The following CARS2 variants were observed in gnomAD, a reference collection of about 807,000 sequenced individuals.
CARS2 encodes probable cysteine--tRNA ligase, mitochondrial.
A neutral mutation model predicts 68.8 loss-of-function variants in CARS2; 52 were observed. The observed-to-expected ratio is 0.76, with a 90% CI of 0.61 to 0.95. CARS2 has a LOEUF of 0.95. Among genes scored for constraint, CARS2 ranks in the 40% least tolerant of loss-of-function variants. The pLI is 0.00. For synonymous variants in CARS2, 314 were observed against 303.6 expected (o/e 1.03, Z -0.36); for missense variants, 780 against 754.2 (o/e 1.03, Z -0.40).
Position 110,665,117 on chromosome 13 carries a change from T to A in CARS2, c.920-1599A>T. The A allele has an allele frequency of 1.0e-6, 1 of 985,392 alleles. No individual in the cohort carries two copies. Among genetic ancestry groups the A allele is most frequent in the South Asian group, 4.7e-5 (1 of 21,286 alleles). The allele number at this position is 985,392 out of a possible 1,614,324, so 61.0% of individuals were successfully genotyped here. Reference sequence around the variant, plus strand: ...ACTAGTATGAAAAAGATCGCTGGTATCTTAACAGGTAGTAAAAAATCACTG... The same window carrying A: ...ACTAGTATGAAAAAGATCGCTGGTAACTTAACAGGTAGTAAAAAATCACTG... On this transcript the variant is annotated intron_variant, in intron 8 of 14. Transcript: ENST00000257347. The surrounding 1 kb of genome is among the most constrained non-coding windows in gnomAD (Gnocchi z 4.3).
chr13:110,667,533 C>T, intron 7 of CARS2, 60 bp from the exon 8 acceptor site: 1 of 1,538,754 alleles, frequency 6.5e-7, no homozygotes, highest in Non-Finnish European at 8.9e-7. Context: ...TTTCTTCTAA[C>T]CTCGTCTATT....
intron 14 of CARS2, 137 bp downstream of exon 14, chr13:110,642,178 G>T: frequency 1.4e-6 from 1 of 704,142 alleles, no homozygotes. Flanking sequence ...TTGCACTCCA[G>T]CCTGGGTGAC....
intron 6 of CARS2, among the ~76,000 whole-genome samples, chr13:110,678,875 C>T (rs571563035): frequency 1.3e-5 from 2 of 152,244 alleles, no homozygotes; most frequent in East Asian, 3.9e-4. Context: ...GAAGGCAGCG[C>T]AGGCGGAGGC....
chr13:110,692,798 C>T (rs367589888), intron 3 of CARS2, among the ~76,000 whole-genome samples: 2 of 151,558 alleles, frequency 1.3e-5, no homozygotes, highest in South Asian at 2.1e-4. Context: ...TGGGCAACAG[C>T]GTGAAACTCT....
intron 13 of CARS2, chr13:110,642,794 T>C (rs1179295536): frequency 4.3e-6 from 3 of 696,876 alleles, no homozygotes; most frequent in Non-Finnish European, 7.9e-6. Context: ...GGGGGCTGCA[T>C]GCCGCCCCGC....
At chr13:110,661,039 C>T (rs184475671) in intron 9 of CARS2, among the ~76,000 whole-genome samples, 12 of 152,312 alleles carry the variant, frequency 7.9e-5, no homozygotes, top group African/African-American at 2.4e-4. Flanking sequence ...GGATTACAAA[C>T]GTGAGCCACT....
At chr13:110,704,439 G>A (rs2063880603) in intron 2 of CARS2, among the ~76,000 whole-genome samples, 1 of 152,244 alleles carries the variant, frequency 6.6e-6, no homozygotes. Context: ...AGTATACAGA[G>A]TATGCCGGGC....
At chr13:110,713,368 C>T (rs1427595894) in exon 1 of CARS2, 11 of 1,056,782 alleles carry the variant, frequency 1.0e-5, no homozygotes, top group Non-Finnish European at 1.3e-5. Flanking sequence ...CGAAGCAGGC[C>T]GCTCCCCTGC....
intron 9 of CARS2, among the ~76,000 whole-genome samples, chr13:110,654,297 G>A (rs1198867709): frequency 6.6e-6 from 1 of 152,214 alleles, no homozygotes; most frequent in Non-Finnish European, 1.5e-5. Flanking sequence ...CTGAGCTCCA[G>A]GGTTGAGCTC....
chr13:110,666,020 C>T (rs2062636692), intron 8 of CARS2: 1 of 985,342 alleles, frequency 1.0e-6, no homozygotes, highest in Non-Finnish European at 1.2e-6. Flanking sequence ...GCCTGAGACA[C>T]AGTGTCTCAG....
rs918199839 is a variant in CARS2 at position 110,668,700 on chromosome 13, G to A, written c.786-1227C>T. ...ATTTGGATGGGCAATTCTCCCTTCC[G>A]AAGATCTGAAGCCAACACAACGACG... On this transcript the variant is annotated intron_variant, in intron 7 of 14. Coordinates refer to ENST00000257347, the MANE Select transcript of CARS2 (RefSeq NM_024537.4). The surrounding 1 kb of genome is among the most constrained non-coding windows in gnomAD (Gnocchi z 4.1). Among the ~76,000 whole-genome samples, 2 of 152,132 alleles carry A rather than the reference G, an allele frequency of 1.3e-5. No individual in the cohort carries two copies. The highest frequency in any genetic ancestry group is 1.5e-5 in the Non-Finnish European group (1 of 68,030).
chr13:110,700,800 AAAGTC>A (rs2063762320), intron 3 of CARS2, among the ~76,000 whole-genome samples: 4 of 152,228 alleles, frequency 2.6e-5, no homozygotes, highest in African/African-American at 9.6e-5. Flanking sequence ...CAGTAAAGAG[AAAGTC>A]AAGTCATTTC....
At chr13:110,677,188 C>T in intron 6 of CARS2, 85 bp from the exon 7 acceptor site, 2 of 1,397,038 alleles carry the variant, frequency 1.4e-6, no homozygotes, top group Admixed American at 2.3e-5. Flanking sequence ...ACCACAGAAA[C>T]CCAGACAGTC....
At chr13:110,655,064 G>A (rs388532) in intron 9 of CARS2, among the ~76,000 whole-genome samples, 46,281 of 151,768 alleles carry the variant, frequency 0.3, 8,200 homozygotes, top group African/African-American at 0.47. Flanking sequence ...AATCACACTC[G>A]TTGATAAAGT....
intron 8 of CARS2, chr13:110,664,727 C>T: frequency 1.2e-6 from 1 of 819,752 alleles, no homozygotes; most frequent in Non-Finnish European, 1.5e-6. Flanking sequence ...ATCCTCAGCC[C>T]TCAGGTGACG....
intron 13 of CARS2, 110 bp downstream of exon 13, chr13:110,644,275 A>G (rs1887794081): frequency 7.4e-7 from 1 of 1,344,094 alleles, no homozygotes; most frequent in South Asian, 1.2e-5. Flanking sequence ...TAAACAGGTA[A>G]ATACATTAGT....
At chr13:110,678,539 A>G (rs9521895) in intron 6 of CARS2, among the ~76,000 whole-genome samples, 5,669 of 152,314 alleles carry the variant, frequency 0.037, 149 homozygotes, top group Non-Finnish European at 0.056. Flanking sequence ...TTTCATTACT[A>G]GTCACTTTAC....
intron 12 of CARS2, chr13:110,644,847 ACAT>A: frequency 4.4e-6 from 1 of 229,176 alleles, no homozygotes; most frequent in South Asian, 6.9e-5. Flanking sequence ...TACGTGGCTC[ACAT>A]CAGTTACCAA....
At chr13:110,701,895 A>G (rs2063797259) in intron 2 of CARS2, among the ~76,000 whole-genome samples, 1 of 152,258 alleles carries the variant, frequency 6.6e-6, no homozygotes, top group Admixed American at 6.5e-5. Context: ...TGTTTTCACC[A>G]TTCTTGTTCA....
Sources: allele counts gnomAD v4.1 joint callset (sites outside exome capture counted in the v4.1 genomes callset), GRCh38; gene constraint gnomAD v4.1.1; non-coding constraint Gnocchi (gnomAD v3.1); transcripts MANE v1.5; gene names NCBI Gene and HGNC (gene_info 2026-07-23, HGNC 2026-07-21).